The following AP3B1 variants were observed in gnomAD, a reference collection of about 807,000 sequenced individuals.
AP3B1 encodes the protein AP-3 complex subunit beta-1.
In AP3B1, 61 loss-of-function variants were observed where a neutral mutation model predicts 132.5. The observed-to-expected ratio is 0.46, with a 90% CI of 0.37 to 0.57. The LOEUF is 0.57. Among genes scored for constraint, AP3B1 ranks in the 20% least tolerant of loss-of-function variants. The pLI is 0.00. For synonymous variants in AP3B1, 388 were observed against 438.3 expected (o/e 0.89, Z 1.43); for missense variants, 1,120 against 1,289.4 (o/e 0.87, Z 2.01).
chr5:78,264,582 C>T (rs551750652), intron 2 of AP3B1, among the ~76,000 whole-genome samples: 26 of 152,266 alleles, frequency 1.7e-4, no homozygotes, highest in African/African-American at 5.5e-4. Context: ...CACACTAATA[C>T]TGCAGAAAAA....
At chr5:78,025,263 T>C (rs1363414857) in intron 24 of AP3B1, among the ~76,000 whole-genome samples, 1 of 152,114 alleles carries the variant, frequency 6.6e-6, no homozygotes, top group Non-Finnish European at 1.5e-5. Context: ...CACATACTCC[T>C]CGATTAAAAG....
intron 23 of AP3B1, among the ~76,000 whole-genome samples, chr5:78,037,636 C>T (rs764346662): frequency 4.6e-5 from 7 of 152,044 alleles, no homozygotes; most frequent in Non-Finnish European, 8.8e-5. Flanking sequence ...TCAGCAATGC[C>T]AAAGAGCTCA....
chr5:78,080,182 T>C lies in AP3B1; in HGVS notation c.2577+9211A>G, dbSNP rs185070763. 8.5e-5 allele frequency among the ~76,000 whole-genome samples: 13 copies of C among 152,160 alleles called. No individual in the cohort carries two copies. The East Asian group carries it at 1.7e-3, about 20-fold the overall frequency. On this transcript the variant is annotated intron_variant, in intron 22 of 26. Coordinates refer to ENST00000255194, the MANE Select transcript of AP3B1 (RefSeq NM_003664.5). The stretch of plus-strand genomic sequence containing the variant: ...TGCCACCATGCCCTGCTAATTTTTG[T>C]ATTTTTTATAGAGATGGGGTTTTGT...
At chr5:78,031,242 G>A (rs1200250451) in intron 24 of AP3B1, among the ~76,000 whole-genome samples, 1 of 152,150 alleles carries the variant, frequency 6.6e-6, no homozygotes, top group African/African-American at 2.4e-5. Context: ...TGGGTGGGCT[G>A]ACTAAAGTTT....
intron 15 of AP3B1, among the ~76,000 whole-genome samples, chr5:78,135,837 T>C (rs1752887896): frequency 6.6e-6 from 1 of 152,206 alleles, no homozygotes; most frequent in Non-Finnish European, 1.5e-5. Flanking sequence ...GTAGACTATT[T>C]CAACGAACTC....
intron 22 of AP3B1, among the ~76,000 whole-genome samples, chr5:78,082,980 T>C (rs1750081080): frequency 6.6e-6 from 1 of 152,108 alleles, no homozygotes; most frequent in Admixed American, 6.5e-5. Flanking sequence ...CACCCCAGGC[T>C]AATTTTTTAT....
intron 24 of AP3B1, among the ~76,000 whole-genome samples, chr5:78,028,762 G>A (rs993356443): frequency 3.9e-5 from 6 of 152,074 alleles, no homozygotes; most frequent in South Asian, 2.1e-4. Flanking sequence ...CATGATTTCC[G>A]TTTCTTTTGT....
chr5:78,093,838 A>C (rs1448994760), intron 21 of AP3B1, among the ~76,000 whole-genome samples: 1 of 152,190 alleles, frequency 6.6e-6, no homozygotes, highest in Admixed American at 6.5e-5. Context: ...GTACCATCCC[A>C]ATTTTATAGA....
chr5:78,265,216 C>G lies in AP3B1; in HGVS notation c.204+2304G>C, dbSNP rs1040564911. Among the ~76,000 whole-genome samples, 7 of 151,374 alleles carry G rather than the reference C, an allele frequency of 4.6e-5. 1 individual carries two copies. Among genetic ancestry groups the G allele is most frequent in the Admixed American group, 3.3e-4 (5 of 15,200 alleles). On this transcript the variant is annotated intron_variant, in intron 2 of 26. Coordinates refer to ENST00000255194, the MANE Select transcript of AP3B1 (RefSeq NM_003664.5). Reference sequence around the variant, plus strand: ...CTTTGAAAGGCTGAGGTGGGAAGATCAAGTAAAACCAAGAGTTCTACACCA... The same window carrying G: ...CTTTGAAAGGCTGAGGTGGGAAGATGAAGTAAAACCAAGAGTTCTACACCA...
rs76690672 is a variant in AP3B1, at chr5:78,256,716, A to G, written c.204+10804T>C. On this transcript the variant is annotated intron_variant, in intron 2 of 26. Transcript: ENST00000255194. ...AAAACCAGACAAAGACACATCAAGGAAAAAGAAAATGACACCCCAATATCT... is the reference window on the plus strand; with the variant it reads ...AAAACCAGACAAAGACACATCAAGGGAAAAGAAAATGACACCCCAATATCT... 6.1e-3 allele frequency among the ~76,000 whole-genome samples: 928 copies of G among 152,264 alleles called. 13 individuals carry two copies. Among genetic ancestry groups the G allele is most frequent in the African/African-American group, 0.021 (858 of 41,568 alleles).
intron 14 of AP3B1, among the ~76,000 whole-genome samples, chr5:78,151,909 C>T (rs1447938225): frequency 3.5e-5 from 1 of 28,798 alleles, no homozygotes; most frequent in East Asian, 1.6e-3. Flanking sequence ...CTCCCCCTCC[C>T]GTCCCCATCC....
At chr5:78,113,664 A>T in intron 19 of AP3B1, 88 bp downstream of exon 19, 1 of 1,455,784 alleles carries the variant, frequency 6.9e-7, no homozygotes, top group South Asian at 1.2e-5. Context: ...TTTTTCTCTC[A>T]CCATTTTTTG....
intron 3 of AP3B1, among the ~76,000 whole-genome samples, chr5:78,237,579 G>A (rs758144734): frequency 2.0e-5 from 3 of 151,220 alleles, no homozygotes; most frequent in Non-Finnish European, 4.4e-5. Context: ...AGGCCAAGGT[G>A]GGCAGATTAC....
chr5:78,041,129 C>G (rs1286328322), intron 22 of AP3B1, among the ~76,000 whole-genome samples: 1 of 151,900 alleles, frequency 6.6e-6, no homozygotes, highest in Admixed American at 6.6e-5. Context: ...ACAAAATTAA[C>G]CGGGTATGGT....
chr5:78,024,561 ATTTTTTTT>A (rs70997962), intron 24 of AP3B1, among the ~76,000 whole-genome samples: 64 of 113,474 alleles, frequency 5.6e-4, no homozygotes, highest in African/African-American at 2.2e-3. Context: ...AGCTAATTTA[ATTTTTTTT>A]TTTTTTTTTT....
intron 3 of AP3B1, among the ~76,000 whole-genome samples, chr5:78,228,704 GAGAA>G (rs979165409): frequency 1.3e-5 from 2 of 152,082 alleles, no homozygotes; most frequent in African/African-American, 4.8e-5. Flanking sequence ...AAAATAATAA[GAGAA>G]AGAATTTGGG....
chr5:78,168,219 C>CTTTTTTT (rs535444476), intron 11 of AP3B1, among the ~76,000 whole-genome samples: 2 of 142,718 alleles, frequency 1.4e-5, no homozygotes, highest in African/African-American at 5.4e-5. Context: ...CAACTTTTTT[C>CTTTTTTT]TTTTTTCTTT....
At chr5:78,228,762 T>C (rs1377556672) in intron 3 of AP3B1, among the ~76,000 whole-genome samples, 1 of 152,330 alleles carries the variant, frequency 6.6e-6, no homozygotes, top group Middle Eastern at 3.4e-3. Flanking sequence ...TTTCCTCATC[T>C]GTTAAAAGAG....
intron 24 of AP3B1, among the ~76,000 whole-genome samples, chr5:78,025,614 C>A (rs1747311763): frequency 6.6e-6 from 1 of 152,158 alleles, no homozygotes. Flanking sequence ...GTCTGGAATG[C>A]AGATGGAAGC....
Sources: gnomAD v4.1 joint callset for allele counts (sites outside exome capture counted in the v4.1 genomes callset) on GRCh38, gnomAD v4.1.1 for gene constraint, MANE v1.5 for transcripts, NCBI Gene and HGNC (gene_info 2026-07-23, HGNC 2026-07-21) for gene names.